Variants in TBC1D22A observed in about 807,000 individuals in gnomAD.
The protein encoded by TBC1D22A is putative GTPase activator.
Under a neutral mutation model 60.2 loss-of-function variants are expected in TBC1D22A, and 38 were observed. That is an observed-to-expected ratio of 0.63 (90% confidence interval 0.49 to 0.83). The LOEUF is 0.83. Ranked by LOEUF, TBC1D22A falls within the 40% of genes least tolerant of loss-of-function variation. TBC1D22A has a pLI of 0.00. For missense variants in TBC1D22A, 628 were observed against 701.0 expected (o/e 0.90, Z 1.18); for synonymous variants, 302 against 281.7 (o/e 1.07, Z -0.72).
At chr22:47,051,188 C>T (rs1006230449) in intron 11 of TBC1D22A, among the ~76,000 whole-genome samples, 2 of 152,104 alleles carry the variant, frequency 1.3e-5, no homozygotes, top group African/African-American at 4.8e-5. Context: ...GGGAGGAGTT[C>T]CCACCTCAGC....
chr22:47,033,443 C>T (rs1051780037), intron 10 of TBC1D22A, among the ~76,000 whole-genome samples: 6 of 152,318 alleles, frequency 3.9e-5, no homozygotes, highest in African/African-American at 1.2e-4. Context: ...GCTCTCTGTA[C>T]TCATTCGTTC....
At chr22:46,961,073 C>T (rs136092) in intron 8 of TBC1D22A, among the ~76,000 whole-genome samples, 1 of 149,636 alleles carries the variant, frequency 6.7e-6, no homozygotes, top group Admixed American at 6.6e-5. Flanking sequence ...GATACAAACA[C>T]AGATCTTTGA....
chr22:47,075,780 ATGTGGT>A (rs2064180685), intron 11 of TBC1D22A, among the ~76,000 whole-genome samples: 2 of 152,158 alleles, frequency 1.3e-5, no homozygotes, highest in African/African-American at 4.8e-5. Flanking sequence ...AAATCCAACT[ATGTGGT>A]ATTCATGATT....
chr22:46,973,258 C>A (rs1359911867), intron 8 of TBC1D22A, among the ~76,000 whole-genome samples: 1 of 151,620 alleles, frequency 6.6e-6, no homozygotes, highest in Non-Finnish European at 1.5e-5. Context: ...ATCTGGCACC[C>A]CCCTCCCCAT....
intron 11 of TBC1D22A, among the ~76,000 whole-genome samples, chr22:47,062,087 C>CAAAAAAAAA (rs908701365): frequency 0.017 from 1,049 of 62,798 alleles, 84 homozygotes; most frequent in African/African-American, 0.052. Flanking sequence ...GACTCCATCT[C>CAAAAAAAAA]AAAAAAAAAA....
chr22:46,826,346 G>A (rs1312936600), intron 4 of TBC1D22A, among the ~76,000 whole-genome samples: 1 of 152,202 alleles, frequency 6.6e-6, no homozygotes, highest in Non-Finnish European at 1.5e-5. Flanking sequence ...ATTAAACACT[G>A]CCTCAGATAT....
intron 12 of TBC1D22A, among the ~76,000 whole-genome samples, chr22:47,143,806 G>T (rs2067191794): frequency 6.6e-6 from 1 of 152,238 alleles, no homozygotes; most frequent in Non-Finnish European, 1.5e-5. Context: ...GGAGTTGCCA[G>T]AGGTGCATGA....
At chr22:46,954,780 A>AT (rs922169152) in intron 8 of TBC1D22A, among the ~76,000 whole-genome samples, 7 of 152,330 alleles carry the variant, frequency 4.6e-5, no homozygotes, top group East Asian at 1.9e-4. Context: ...ATTTCTTAAC[A>AT]TTTTTTTAGC....
At chr22:47,112,986 G>A (rs895590288) in intron 12 of TBC1D22A, among the ~76,000 whole-genome samples, 6 of 152,236 alleles carry the variant, frequency 3.9e-5, no homozygotes, top group African/African-American at 1.4e-4. Context: ...CACCAAGTAA[G>A]ATGGAATGAA....
intron 1 of TBC1D22A, among the ~76,000 whole-genome samples, chr22:46,790,879 A>G (rs1169804776): frequency 6.6e-6 from 1 of 152,110 alleles, no homozygotes; most frequent in Non-Finnish European, 1.5e-5. Context: ...GTTGTGTGCA[A>G]ATATTTGTCT....
At chr22:47,131,575 T>C (rs1051791947) in intron 12 of TBC1D22A, among the ~76,000 whole-genome samples, 1 of 151,472 alleles carries the variant, frequency 6.6e-6, no homozygotes, top group East Asian at 1.9e-4. Context: ...CTACCCCTGC[T>C]GCTGGAGCAA....
intron 4 of TBC1D22A, among the ~76,000 whole-genome samples, chr22:46,860,718 C>T (rs2147346984): frequency 6.6e-6 from 1 of 152,352 alleles, no homozygotes; most frequent in South Asian, 2.1e-4. Context: ...CCAGCGTCTT[C>T]TGGCGACAGG....
chr22:46,881,808 T>C (rs570744796), intron 5 of TBC1D22A, among the ~76,000 whole-genome samples: 1 of 152,302 alleles, frequency 6.6e-6, no homozygotes, highest in Admixed American at 6.5e-5. Flanking sequence ...CACTGTGCAT[T>C]TGCCATGCTC....
At chr22:46,868,711 A>G (rs1036850818) in intron 4 of TBC1D22A, among the ~76,000 whole-genome samples, 27 of 152,144 alleles carry the variant, frequency 1.8e-4, no homozygotes. Context: ...AGCCGTATTT[A>G]TTAACTTTCT....
chr22:47,171,473 C>T lies in TBC1D22A; in HGVS notation c.1426-2025C>T, dbSNP rs151122111. On this transcript the variant is annotated intron_variant, in intron 12 of 12. Transcript: ENST00000337137. ...TCTCGAGGACCAGAGCCCACAGGGCCATCTGAGCAGTGTAGACCCCTCCCT... is the reference window on the plus strand; with the variant it reads ...TCTCGAGGACCAGAGCCCACAGGGCTATCTGAGCAGTGTAGACCCCTCCCT... 6.0e-3 allele frequency among the ~76,000 whole-genome samples: 921 copies of T among 152,296 alleles called. 7 individuals are homozygous for T. Among genetic ancestry groups the T allele is most frequent in the African/African-American group, 0.021 (885 of 41,564 alleles).
Position 46,912,062 on chromosome 22 carries a change from A to G in TBC1D22A, c.901-12A>G. ...TACTTTTTGCTTTACCACCTGTTCC[A>G]TTTTCTTTCAGATTTTTGAAAGGAT... On this transcript the variant is annotated splice_polypyrimidine_tract_variant and intron_variant, in intron 7 of 12. Coordinates refer to ENST00000337137, the MANE Select transcript of TBC1D22A (RefSeq NM_014346.5). The G allele has an allele frequency of 6.2e-7, 1 of 1,604,880 alleles. No individual in the cohort carries two copies. Among genetic ancestry groups the G allele is most frequent in the Non-Finnish European group, 8.5e-7 (1 of 1,174,902 alleles).
rs745683649 is a variant in TBC1D22A at position 46,990,041 on chromosome 22, C to T, written c.1126-7593C>T. Among the ~76,000 whole-genome samples the T allele has an allele frequency of 2.4e-4, 37 of 152,246 alleles. No individual in the cohort carries two copies. The highest frequency in any genetic ancestry group is 4.1e-4 in the Non-Finnish European group (28 of 68,012). On this transcript the variant is annotated intron_variant, in intron 9 of 12. Coordinates refer to ENST00000337137, the MANE Select transcript of TBC1D22A (RefSeq NM_014346.5). The surrounding 1 kb of genome is among the most constrained non-coding windows in gnomAD (Gnocchi z 4.6). ...CTGGTCTTGAACTCCTGGGCTCAAG[C>T]GAGCTGCCCATGTTGGCCTCCCAAA...
intron 11 of TBC1D22A, among the ~76,000 whole-genome samples, chr22:47,065,006 C>T (rs780495720): frequency 2.6e-5 from 4 of 152,182 alleles, no homozygotes; most frequent in Middle Eastern, 3.4e-3. Flanking sequence ...TTTTTTGAGA[C>T]GGAGTCTCAC....
chr22:47,053,740 A>G (rs949408594), intron 11 of TBC1D22A, among the ~76,000 whole-genome samples: 3 of 152,216 alleles, frequency 2.0e-5, no homozygotes, highest in African/African-American at 4.8e-5. Context: ...CATCACATTC[A>G]CTGGCGTTGG....
Sources: gnomAD v4.1 joint callset for allele counts (sites outside exome capture counted in the v4.1 genomes callset) on GRCh38, gnomAD v4.1.1 for gene constraint, Gnocchi (gnomAD v3.1) non-coding constraint, MANE v1.5 for transcripts, NCBI Gene and HGNC (gene_info 2026-07-23, HGNC 2026-07-21) for gene names.